Variants in SEMA3A observed in about 807,000 individuals in gnomAD.
SEMA3A encodes semaphorin 3A.
Under a neutral mutation model 97.9 loss-of-function variants are expected in SEMA3A, and 29 were observed. That is an observed-to-expected ratio of 0.30 (90% CI 0.22 to 0.40). The LOEUF (loss-of-function observed/expected upper bound fraction) is 0.40. Ranked by LOEUF, SEMA3A falls within the 10% of genes least tolerant of loss-of-function variation. SEMA3A has a pLI of 1.00. For synonymous variants in SEMA3A, 321 were observed against 323.7 expected, an observed-to-expected ratio of 0.99 and a Z score of 0.09; for missense variants, 763 against 951.3, an observed-to-expected ratio of 0.80 and a Z score of 2.60.
chr7:84,213,151 A>G (rs1798671552), intron 3 of SEMA3A, among the ~76,000 whole-genome samples: 1 of 151,596 alleles, frequency 6.6e-6, no homozygotes, highest in African/African-American at 2.4e-5. Flanking sequence ...CTAATGTTGT[A>G]TTTTTAGTAG....
At chr7:84,408,285 T>G (rs1386709053) in intron 1 of SEMA3A, among the ~76,000 whole-genome samples, 1 of 152,058 alleles carries the variant, frequency 6.6e-6, no homozygotes, top group East Asian at 1.9e-4. Context: ...AAAAACCACA[T>G]GAAAAAATGC....
At chr7:83,971,974 A>C (rs1342219384) in intron 15 of SEMA3A, among the ~76,000 whole-genome samples, 1 of 150,104 alleles carries the variant, frequency 6.7e-6, no homozygotes, top group Non-Finnish European at 1.5e-5. Flanking sequence ...GTGAACTTAA[A>C]ATTGGCTAGT....
intron 4 of SEMA3A, among the ~76,000 whole-genome samples, chr7:84,103,429 A>T (rs564643239): frequency 6.6e-6 from 1 of 152,318 alleles, no homozygotes; most frequent in South Asian, 2.1e-4. Flanking sequence ...TGACTGTGGG[A>T]TAGCCATCCA....
chr7:83,980,613 A>AAAAAACAAACAAAC (rs1554383411), intron 14 of SEMA3A, among the ~76,000 whole-genome samples: 1 of 81,546 alleles, frequency 1.2e-5, no homozygotes, highest in East Asian at 3.7e-4. Context: ...CAAAAAAAAA[A>AAAAAACAAACAAAC]AAAAAAAAAA....
intron 1 of SEMA3A, among the ~76,000 whole-genome samples, chr7:84,454,704 A>G (rs1321059142): frequency 6.6e-6 from 1 of 152,002 alleles, no homozygotes; most frequent in Non-Finnish European, 1.5e-5. Flanking sequence ...ACAAAAACAA[A>G]AACCCTCATT....
chr7:84,360,805 A>T (rs901597529), intron 2 of SEMA3A, among the ~76,000 whole-genome samples: 10 of 151,328 alleles, frequency 6.6e-5, no homozygotes, highest in Non-Finnish European at 1.3e-4. Context: ...TTTATTTTTT[A>T]TTTTTTTTGA....
At chr7:84,083,143 C>T (rs1337002128) in intron 4 of SEMA3A, among the ~76,000 whole-genome samples, 18 of 151,646 alleles carry the variant, frequency 1.2e-4, no homozygotes, top group African/African-American at 4.1e-4. Flanking sequence ...ATAAGATTTC[C>T]TATCTTTAAA....
intron 1 of SEMA3A, among the ~76,000 whole-genome samples, chr7:84,388,879 G>A (rs117201076): frequency 3.1e-4 from 47 of 152,036 alleles, no homozygotes; most frequent in Non-Finnish European, 5.7e-4. Flanking sequence ...ACAAAGCTTC[G>A]TTAGTATGAT....
intron 1 of SEMA3A, among the ~76,000 whole-genome samples, chr7:84,471,551 G>A (rs1322196187): frequency 6.6e-6 from 1 of 151,986 alleles, no homozygotes; most frequent in Non-Finnish European, 1.5e-5. Flanking sequence ...TTACAGTGAT[G>A]TTAAAAAAGC....
chr7:84,356,687 C>T (rs1260698497), intron 2 of SEMA3A, among the ~76,000 whole-genome samples: 2 of 151,748 alleles, frequency 1.3e-5, no homozygotes, highest in African/African-American at 2.4e-5. Flanking sequence ...ATAAAGTAAA[C>T]TTGGTACATA....
At chr7:84,319,994 A>C (rs1801607695) in intron 2 of SEMA3A, among the ~76,000 whole-genome samples, 1 of 152,126 alleles carries the variant, frequency 6.6e-6, no homozygotes, top group Non-Finnish European at 1.5e-5. Flanking sequence ...AAAGTAAATG[A>C]TTTCTTTTTG....
intron 1 of SEMA3A, among the ~76,000 whole-genome samples, chr7:84,415,838 A>AT (rs71524604): frequency 2.1e-4 from 32 of 151,720 alleles, no homozygotes; most frequent in African/African-American, 7.0e-4. Context: ...GCGTTTTTGT[A>AT]TTTTTTTTAT....
At chr7:84,397,107 G>T (rs572741251) in intron 1 of SEMA3A, among the ~76,000 whole-genome samples, 1 of 151,864 alleles carries the variant, frequency 6.6e-6, no homozygotes, top group East Asian at 1.9e-4. Context: ...GTTGTGAAAG[G>T]CATACAAAAT....
chr7:84,294,458 G>C (rs1388344998), intron 3 of SEMA3A, among the ~76,000 whole-genome samples: 2 of 151,826 alleles, frequency 1.3e-5, no homozygotes, highest in Non-Finnish European at 2.9e-5. Context: ...TTTTATATTA[G>C]GATATTTGTC....
chr7:84,030,055 C>T (rs561759321), intron 6 of SEMA3A, among the ~76,000 whole-genome samples: 8 of 152,142 alleles, frequency 5.3e-5, no homozygotes, highest in Admixed American at 4.6e-4. Context: ...ATTATCCTCT[C>T]AGTGTGGCTC....
intron 1 of SEMA3A, among the ~76,000 whole-genome samples, chr7:84,183,393 A>T (rs1356533774): frequency 6.6e-6 from 1 of 152,186 alleles, no homozygotes; most frequent in East Asian, 1.9e-4. Context: ...CTATAAGCAG[A>T]GTATGACCTA....
chr7:84,313,923 A>T (rs909648655), intron 2 of SEMA3A, among the ~76,000 whole-genome samples: 2 of 151,996 alleles, frequency 1.3e-5, no homozygotes, highest in Non-Finnish European at 2.9e-5. Context: ...TTATCTGATA[A>T]GAAACTGGTA....
chr7:84,193,857 C>T (rs1562844624), intron 1 of SEMA3A, among the ~76,000 whole-genome samples: 1 of 152,074 alleles, frequency 6.6e-6, no homozygotes, highest in Non-Finnish European at 1.5e-5. Flanking sequence ...AATTAAATAA[C>T]ATAATATTTC....
chr7:84,424,710 A>AT (rs1804726982), intron 1 of SEMA3A, among the ~76,000 whole-genome samples: 2 of 92,496 alleles, frequency 2.2e-5, no homozygotes, highest in South Asian at 7.4e-4. Context: ...ATCAATATAT[A>AT]ATATATAAAT....
Sources: allele counts gnomAD v4.1 joint callset (sites outside exome capture counted in the v4.1 genomes callset), GRCh38; gene constraint gnomAD v4.1.1; transcripts MANE v1.5; gene names NCBI Gene and HGNC (gene_info 2026-07-23, HGNC 2026-07-21).